DLG2: variants seen among roughly 807,000 people sequenced by gnomAD.
DLG2 encodes discs large MAGUK scaffold protein 2, also known as disks large homolog 2.
Under a neutral mutation model 132.5 loss-of-function variants are expected in DLG2, and 45 were observed. That is an observed-to-expected ratio of 0.34 (90% CI 0.27 to 0.44). DLG2 has a LOEUF of 0.44. Ranked by LOEUF, DLG2 falls within the 20% of genes least tolerant of loss-of-function variation. The probability of loss-of-function intolerance (pLI) is 1.00; values close to 1 mark genes in which losing one functional copy is unlikely to be tolerated. For missense variants in DLG2, 1,045 were observed against 1,196.9 expected (o/e 0.87, Z 1.87); for synonymous variants, 424 against 419.6 (o/e 1.01, Z -0.13).
chr11:85,442,498 C>T lies in DLG2; in HGVS notation c.40+156159G>A, dbSNP rs2091830924. Among the ~76,000 whole-genome samples, 4 of 152,170 alleles carry T rather than the reference C, an allele frequency of 2.6e-5. 2 individuals are homozygous for T. The South Asian group carries it at 8.3e-4, about 32-fold the overall frequency. The stretch of plus-strand genomic sequence containing the variant: ...CATCAGAGTTTAGCATGAGAAACCT[C>T]GGTATATGGTGGTGCCATTACCAGG... On this transcript the variant is annotated intron_variant, in intron 3 of 27. Transcript: ENST00000376104.
intron 14 of DLG2, among the ~76,000 whole-genome samples, chr11:83,952,271 C>T (rs918621147): frequency 2.0e-5 from 3 of 152,050 alleles, no homozygotes; most frequent in African/African-American, 7.3e-5. Context: ...GCTTGAGCCC[C>T]AGGAGGCTGA....
At chr11:84,714,549 T>TTCTCTTTCTCTCTCTCTC (rs1565748003) in intron 6 of DLG2, among the ~76,000 whole-genome samples, 3 of 59,134 alleles carry the variant, frequency 5.1e-5, no homozygotes, top group Admixed American at 1.7e-4. Context: ...CTCTTTCTCT[T>TTCTCTTTCTCTCTCTCTC]TCTCTCTCTT....
intron 3 of DLG2, among the ~76,000 whole-genome samples, chr11:85,291,190 T>C (rs2152770609): frequency 6.6e-6 from 1 of 152,298 alleles, no homozygotes; most frequent in Non-Finnish European, 1.5e-5. Flanking sequence ...AAGGATTTTT[T>C]ACATGACTTA....
At chr11:85,521,203 G>A (rs1445672906) in intron 3 of DLG2, among the ~76,000 whole-genome samples, 1 of 152,174 alleles carries the variant, frequency 6.6e-6, no homozygotes. Context: ...CTTGTAGGAG[G>A]TGATTAAACC....
chr11:85,190,460 A>G (rs1324501175), intron 4 of DLG2, among the ~76,000 whole-genome samples: 1 of 152,188 alleles, frequency 6.6e-6, no homozygotes, highest in Non-Finnish European at 1.5e-5. Flanking sequence ...AGCGAAAAAA[A>G]AACAAGAGCA....
chr11:84,116,373 G>C (rs886831943), intron 9 of DLG2, among the ~76,000 whole-genome samples: 1 of 152,180 alleles, frequency 6.6e-6, no homozygotes, highest in Non-Finnish European at 1.5e-5. Flanking sequence ...TTCTCAAGTG[G>C]CTAATAAAGA....
intron 18 of DLG2, among the ~76,000 whole-genome samples, chr11:83,650,540 G>GAGAATAGA (rs532372494): frequency 3.9e-5 from 6 of 152,254 alleles, no homozygotes; most frequent in African/African-American, 1.2e-4. Flanking sequence ...AAAACTGTAA[G>GAGAATAGA]AGAATAGAAC....
chr11:84,125,647 C>T (rs540008958), intron 9 of DLG2, among the ~76,000 whole-genome samples: 1 of 152,200 alleles, frequency 6.6e-6, no homozygotes, highest in African/African-American at 2.4e-5. Flanking sequence ...AATAAGAAAC[C>T]CAGTGGTCAG....
intron 5 of DLG2, chr11:85,133,079 C>A (rs192941093): frequency 3.9e-5 from 13 of 335,456 alleles, no homozygotes; most frequent in African/African-American, 2.8e-4. Flanking sequence ...TAGCGGATTC[C>A]TTGATTGGAA....
chr11:84,917,245 C>T (rs748716055), intron 6 of DLG2, among the ~76,000 whole-genome samples: 2 of 152,156 alleles, frequency 1.3e-5, no homozygotes, highest in Admixed American at 6.6e-5. Flanking sequence ...AAGAAAGCCT[C>T]AGGCCTGACT....
chr11:84,718,266 ATTAAT>A (rs1368630155), intron 6 of DLG2, among the ~76,000 whole-genome samples: 7 of 152,014 alleles, frequency 4.6e-5, no homozygotes, highest in African/African-American at 9.7e-5. Context: ...TTCACATAAC[ATTAAT>A]TTATTTTTCA....
chr11:85,472,145 A>T (rs754561921), intron 3 of DLG2, among the ~76,000 whole-genome samples: 6 of 152,142 alleles, frequency 3.9e-5, no homozygotes, highest in Non-Finnish European at 8.8e-5. Context: ...CCTTTTAGCC[A>T]ATCAAGTGAT....
At chr11:85,449,239 G>T (rs1032267367) in intron 3 of DLG2, among the ~76,000 whole-genome samples, 1 of 151,884 alleles carries the variant, frequency 6.6e-6, no homozygotes, top group African/African-American at 2.4e-5. Flanking sequence ...TTTTCATCCA[G>T]GACTTAAAAA....
intron 18 of DLG2, among the ~76,000 whole-genome samples, chr11:83,675,724 G>C (rs890680239): frequency 3.3e-5 from 5 of 152,112 alleles, no homozygotes; most frequent in Non-Finnish European, 7.3e-5. Context: ...ATGGCTTCTG[G>C]CTGTCTGGTG....
intron 21 of DLG2, among the ~76,000 whole-genome samples, chr11:83,499,815 C>A (rs954450069): frequency 1.5e-5 from 2 of 129,476 alleles, no homozygotes; most frequent in African/African-American, 5.6e-5. Flanking sequence ...TATATATTTC[C>A]TCTAATAGGA....
intron 6 of DLG2, among the ~76,000 whole-genome samples, chr11:84,847,960 G>T (rs2081692264): frequency 6.6e-6 from 1 of 152,034 alleles, no homozygotes; most frequent in African/African-American, 2.4e-5. Flanking sequence ...AGGGACATTT[G>T]GGTCTCCAAC....
intron 6 of DLG2, among the ~76,000 whole-genome samples, chr11:84,676,610 C>T (rs1028530271): frequency 2.0e-5 from 3 of 152,102 alleles, no homozygotes; most frequent in East Asian, 1.9e-4. Context: ...CTTCTAGGTG[C>T]CTTGAAATAT....
intron 18 of DLG2, among the ~76,000 whole-genome samples, chr11:83,667,465 T>A (rs181634262): frequency 6.6e-6 from 1 of 152,342 alleles, no homozygotes; most frequent in Non-Finnish European, 1.5e-5. Flanking sequence ...GATTGAACTT[T>A]TGTTTTCTAG....
intron 6 of DLG2, among the ~76,000 whole-genome samples, chr11:84,717,725 G>C (rs1038727573): frequency 2.0e-5 from 3 of 152,002 alleles, no homozygotes. Context: ...AGTGGGAGCA[G>C]TTTCTCCTAT....
Sources: gnomAD v4.1 joint callset for allele counts (sites outside exome capture counted in the v4.1 genomes callset) on GRCh38, gnomAD v4.1.1 for gene constraint, MANE v1.5 for transcripts, NCBI Gene and HGNC (gene_info 2026-07-23, HGNC 2026-07-21) for gene names.